Variants in CHRNA4 observed in about 807,000 individuals in gnomAD.
CHRNA4 encodes the protein cholinergic receptor nicotinic alpha 4 subunit.
A neutral mutation model predicts 48.9 loss-of-function variants in CHRNA4; 28 were observed. The observed-to-expected ratio is 0.57, with a 90% CI of 0.42 to 0.79. CHRNA4 has a LOEUF of 0.79. Ranked by LOEUF, CHRNA4 falls within the 30% of genes least tolerant of loss-of-function variation. The pLI is 0.00. For missense variants in CHRNA4, 859 were observed against 898.4 expected (o/e 0.96, Z 0.56); for synonymous variants, 425 against 402.3 (o/e 1.06, Z -0.68).
In CHRNA4 at chr20:63,344,675, G is replaced by A. The variant is rs766022339; in HGVS notation, c.*2063C>T. ...CAGCTGCCCACACATCTGGCAGCTG[G>A]GTCCACTTATGCAATGTGGATCGGG... is the stretch of plus-strand genomic sequence containing the variant. On this transcript the variant is annotated 3_prime_UTR_variant, in exon 6 of 6. Coordinates refer to ENST00000370263, the MANE Select transcript of CHRNA4 (RefSeq NM_000744.7). This position sits in a 1 kb window ranked among gnomAD's most constrained non-coding sequence, Gnocchi z 4.5. 4 of 453,986 alleles carry A rather than the reference G, an allele frequency of 8.8e-6. No homozygotes were observed. The highest frequency in any genetic ancestry group is 6.2e-5 in the South Asian group (4 of 64,466). 28.1% of individuals were successfully genotyped at this position (453,986 alleles called of 1,614,324 possible). A position where few individuals can be genotyped will look rare whatever the true frequency, so the allele number is the denominator to read the frequency against.
chr20:63,347,704 A>G (rs1263282517), intron 5 of CHRNA4, among the ~76,000 whole-genome samples: 1 of 152,192 alleles, frequency 6.6e-6, no homozygotes, highest in Non-Finnish European at 1.5e-5. Flanking sequence ...TCTGCCGTGT[A>G]GGACCTGAGA....
At chr20:63,359,908 T>C in intron 1 of CHRNA4, 1 of 423,778 alleles carries the variant, frequency 2.4e-6, no homozygotes, top group Non-Finnish European at 4.2e-6. Context: ...TGTGTGTGTG[T>C]GTGTGTGTGT....
In CHRNA4 at chr20:63,343,864, G is replaced by A. The variant is rs1391624040; in HGVS notation, c.*2874C>T. On this transcript the variant is annotated 3_prime_UTR_variant, in exon 6 of 6. Coordinates refer to ENST00000370263, the MANE Select transcript of CHRNA4 (RefSeq NM_000744.7). ...GTGAGACTTTGATAGGGGGTCGGGG[G>A]TCACAGCCCTGGCAAGGTGGGTTCT... 2.2e-6 allele frequency: 1 copy of A among 454,060 alleles called. No individual in the cohort carries two copies. The highest frequency in any genetic ancestry group is 6.9e-5 in the East Asian group (1 of 14,412). 28.1% of individuals were successfully genotyped at this position (454,060 alleles called of 1,614,324 possible). A position where few individuals can be genotyped will look rare whatever the true frequency, so the allele number is the denominator to read the frequency against.
At chr20:63,353,701 T>TGG (rs1167179025) in intron 4 of CHRNA4, among the ~76,000 whole-genome samples, 1 of 28,856 alleles carries the variant, frequency 3.5e-5, no homozygotes. Context: ...GCTGTGGTCC[T>TGG]GGGGGGGCTG....
At chr20:63,358,435 C>G (rs572915897) in intron 2 of CHRNA4, among the ~76,000 whole-genome samples, 1 of 152,362 alleles carries the variant, frequency 6.6e-6, no homozygotes, top group Non-Finnish European at 1.5e-5. Context: ...CTCCCGCAAC[C>G]CGGTGGCTCC....
At chr20:63,352,978 G>C (rs45602340) in intron 4 of CHRNA4, among the ~76,000 whole-genome samples, 6,958 of 152,034 alleles carry the variant, frequency 0.046, 213 homozygotes, top group Middle Eastern at 0.15. Flanking sequence ...CTCTGGACTC[G>C]CACCATAAAG....
At chr20:63,359,365 CA>C in intron 2 of CHRNA4, 182 bp downstream of exon 2, 1 of 762,970 alleles carries the variant, frequency 1.3e-6, no homozygotes, top group Non-Finnish European at 2.2e-6. Flanking sequence ...CGCTCTGAAT[CA>C]ACCCTTGGCT....
At chr20:63,358,631 G>A (rs575653964) in intron 2 of CHRNA4, among the ~76,000 whole-genome samples, 2 of 152,310 alleles carry the variant, frequency 1.3e-5, no homozygotes, top group South Asian at 4.1e-4. Flanking sequence ...GCCATTGGCT[G>A]CCCACTCGCA....
Position 63,359,640 on chromosome 20 carries a change from A to G in CHRNA4, c.136T>C (p.Ser46Pro), listed in dbSNP as rs1429009238. 2 of 1,612,464 alleles carry G rather than the reference A, an allele frequency of 1.2e-6. No homozygotes were observed. The highest frequency in any genetic ancestry group is 1.7e-6 in the Non-Finnish European group (2 of 1,179,936). Residue 46 changes from serine (S) to proline (P), a missense_variant, in exon 2 of 6, where the codon TCC (serine) becomes CCC (proline). By Grantham distance (74) the Ser-to-Pro change is moderately conservative. Around this residue, in one of 3 missense-constraint regions of CHRNA4, gnomAD observed 342 missense variants for 365.3 expected, o/e 0.94. Transcript: ENST00000370263. The part of the protein sequence containing the change: ...AEERLLKKLF[S>P]GYNKWSRPVA... Reference sequence around the variant, plus strand: ...GGTCGGGACCACTTGTTGTAACCGGAGAAGAGTTTCTTCAGGAGCCGCTCC... The same window carrying G: ...GGTCGGGACCACTTGTTGTAACCGGGGAAGAGTTTCTTCAGGAGCCGCTCC...
chr20:63,352,304 G>C (rs1364019050), intron 4 of CHRNA4, among the ~76,000 whole-genome samples: 1 of 152,166 alleles, frequency 6.6e-6, no homozygotes. Context: ...CCAACCCTCA[G>C]GGACCCTCCC....
chr20:63,355,579 AAAGG>A, intron 4 of CHRNA4: 1 of 1,298,954 alleles, frequency 7.7e-7, no homozygotes, highest in Non-Finnish European at 1.0e-6. Context: ...CTCCTGCCCA[AAAGG>A]GCTCTCCTGC....
chr20:63,347,209 G>A (rs545449537), intron 5 of CHRNA4, among the ~76,000 whole-genome samples: 14 of 152,198 alleles, frequency 9.2e-5, no homozygotes, highest in Admixed American at 3.3e-4. Flanking sequence ...AAGGGGGCAC[G>A]GGGGAGGGGG....
chr20:63,343,542 C>T lies in CHRNA4; in HGVS notation c.*3196G>A. ...TAGAGTGTCCTGGGCCCGGCCTTAA[C>T]TTACAAGGGAGCCTGAGTGACAACT... is the stretch of plus-strand genomic sequence containing the variant. On this transcript the variant is annotated 3_prime_UTR_variant, in exon 6 of 6. Transcript: ENST00000370263. 2.2e-6 allele frequency: 1 copy of T among 454,150 alleles called. No homozygotes were observed. The highest frequency in any genetic ancestry group is 4.4e-6 in the Non-Finnish European group (1 of 226,796). The allele number at this position is 454,150 out of a possible 1,614,324, so 28.1% of individuals were successfully genotyped here. A position where few individuals can be genotyped will look rare whatever the true frequency, so the allele number is the denominator to read the frequency against.
chr20:63,359,905 G>GTGTGTGTGCCGGGCGTGCGC (rs1555840809), intron 1 of CHRNA4: 13,522 of 304,862 alleles, frequency 0.044, 100 homozygotes, highest in Non-Finnish European at 0.052. Context: ...TGCTGTGTGT[G>GTGTGTGTGCCGGGCGTGCGC]TGTGTGTGTG....
intron 2 of CHRNA4, among the ~76,000 whole-genome samples, chr20:63,357,279 T>C (rs1002403571): frequency 1.3e-5 from 2 of 151,872 alleles, no homozygotes; most frequent in Non-Finnish European, 2.9e-5. Flanking sequence ...TGCAGGGCCA[T>C]ATCTCCCCAC....
chr20:63,360,986 G>A, intron 1 of CHRNA4, 104 bp downstream of exon 1: 2 of 1,006,270 alleles, frequency 2.0e-6, no homozygotes, highest in Non-Finnish European at 2.6e-6. Context: ...GCGCGCACCC[G>A]CGGCTTGGGA....
Position 63,351,561 on chromosome 20 carries a change from G to A in CHRNA4, c.384-534C>T, listed in dbSNP as rs561347598. 2.1e-4 allele frequency among the ~76,000 whole-genome samples: 32 copies of A among 152,314 alleles called. No individual in the cohort carries two copies. The South Asian group carries it at 6.6e-3, about 32-fold the overall frequency. ...CCAAGCAGCACCCCGGGCCACCATG[G>A]GAATTCCTCACCCAGCTTCTGCCGT... On this transcript the variant is annotated intron_variant, in intron 4 of 5. Transcript: ENST00000370263.
At chr20:63,348,590 G>A (rs147428312) in intron 5 of CHRNA4, among the ~76,000 whole-genome samples, 21 of 152,332 alleles carry the variant, frequency 1.4e-4, no homozygotes, top group South Asian at 4.1e-4. Context: ...CCCTTCAGAC[G>A]GAGGTGGCCC....
rs200314034 is a variant in CHRNA4, at chr20:63,345,282, G to A, written c.*1456C>T. ...ACCCCTGGCTGGATGGGGTCTGGGG[G>A]CAGCAGAATGTGGACCACTCAGCAG... On this transcript the variant is annotated 3_prime_UTR_variant, in exon 6 of 6. Transcript: ENST00000370263. This position sits in a 1 kb window ranked among gnomAD's most constrained non-coding sequence, Gnocchi z 5.4. 3 of 453,580 alleles carry A rather than the reference G, an allele frequency of 6.6e-6. No homozygotes were observed. Among genetic ancestry groups the A allele is most frequent in the African/African-American group, 2.0e-5 (1 of 50,110 alleles). The allele number at this position is 453,580 out of a possible 1,614,324, so 28.1% of individuals were successfully genotyped here.
Sources: allele counts gnomAD v4.1 joint callset (sites outside exome capture counted in the v4.1 genomes callset), GRCh38; gene constraint gnomAD v4.1.1; regional missense constraint gnomAD v4.1.1; non-coding constraint Gnocchi (gnomAD v3.1); transcripts MANE v1.5; gene names NCBI Gene and HGNC (gene_info 2026-07-23, HGNC 2026-07-21).